NBAS: variants seen among roughly 807,000 people sequenced by gnomAD.
NBAS encodes NBAS subunit of NRZ tethering complex, also known as NAG/BC035112 fusion.
A neutral mutation model predicts 302.5 loss-of-function variants in NBAS; 219 were observed. The ratio of observed to expected loss-of-function variants is 0.72; its 90% CI spans 0.65 to 0.81. The LOEUF (loss-of-function observed/expected upper bound fraction) is 0.81. Among genes scored for constraint, NBAS ranks in the 30% least tolerant of loss-of-function variants. The pLI is 0.00. For synonymous variants in NBAS, 1,118 were observed against 1,021.6 expected, an observed-to-expected ratio of 1.09 and a Z score of -1.80; for missense variants, 2,932 against 2,841.6, an observed-to-expected ratio of 1.03 and a Z score of -0.72.
At chr2:14,797,956 T>C in the NBAS span, among the ~76,000 whole-genome samples, 9 of 152,216 alleles carry the variant, frequency 5.9e-5, no homozygotes, top group Non-Finnish European at 1.3e-4. Flanking sequence ...CTCATATCCT[T>C]CAACCTTCCT....
chr2:15,517,282 G>C (rs1170338957), intron 9 of NBAS, among the ~76,000 whole-genome samples: 1 of 151,990 alleles, frequency 6.6e-6, no homozygotes, highest in African/African-American at 2.4e-5. Context: ...GTAGTTTTTT[G>C]ATCCCCACAG....
intron 21 of NBAS, among the ~76,000 whole-genome samples, chr2:15,444,743 G>A (rs371383530): frequency 0.01 from 1,519 of 151,226 alleles, 30 homozygotes; most frequent in African/African-American, 0.034. Flanking sequence ...GAAAATTTTC[G>A]CAACCTACTC....
chr2:14,875,575 C>T, the NBAS span, among the ~76,000 whole-genome samples: 1 of 152,058 alleles, frequency 6.6e-6, no homozygotes, highest in Admixed American at 6.5e-5. Flanking sequence ...GAGATCACAC[C>T]ACTGCACTCC....
At chr2:14,969,149 A>G in the NBAS span, among the ~76,000 whole-genome samples, 4 of 152,198 alleles carry the variant, frequency 2.6e-5, no homozygotes, top group Non-Finnish European at 5.9e-5. Context: ...AGAATAGTCA[A>G]TTCTACAGAG....
chr2:15,484,428 C>T (rs925504218), intron 12 of NBAS, among the ~76,000 whole-genome samples: 2 of 152,038 alleles, frequency 1.3e-5, no homozygotes, highest in East Asian at 3.9e-4. Flanking sequence ...AGCACCATTC[C>T]CACCCATTTA....
chr2:15,114,313 G>T, the NBAS span, among the ~76,000 whole-genome samples: 1 of 152,098 alleles, frequency 6.6e-6, no homozygotes, highest in African/African-American at 2.4e-5. Context: ...TCTCTCCCGG[G>T]CTCGTAGATG....
At chr2:15,218,741 T>C (rs1211750096) in intron 48 of NBAS, 32 bp downstream of exon 48, 5 of 1,613,938 alleles carry the variant, frequency 3.1e-6, no homozygotes, top group South Asian at 2.2e-5. Flanking sequence ...TTATTGTTAG[T>C]AAGAAAAATA....
At chr2:15,219,077 GT>G in intron 47 of NBAS, 109 bp from the exon 48 acceptor site, 1 of 1,370,070 alleles carries the variant, frequency 7.3e-7, no homozygotes, top group Non-Finnish European at 1.0e-6. Flanking sequence ...GGATGACTTC[GT>G]TTTTTTCCTC....
At chr2:14,864,586 G>C in the NBAS span, among the ~76,000 whole-genome samples, 1 of 152,088 alleles carries the variant, frequency 6.6e-6, no homozygotes, top group Non-Finnish European at 1.5e-5. Flanking sequence ...TTTGTGGTGA[G>C]AATTAAAAGG....
the NBAS span, among the ~76,000 whole-genome samples, chr2:15,098,519 T>TATATGTTATATATTATGTATTGTATATA: frequency 2.1e-5 from 1 of 48,710 alleles, no homozygotes; most frequent in African/African-American, 1.2e-4. Flanking sequence ...ATATATTGTA[T>TATATGTTATATATTATGTATTGTATATA]ATATGTTATA....
the NBAS span, among the ~76,000 whole-genome samples, chr2:15,140,302 G>A: frequency 6.6e-5 from 10 of 152,218 alleles, no homozygotes; most frequent in Non-Finnish European, 1.5e-4. Flanking sequence ...ACAACATGGA[G>A]CAGAAAGAGT....
intron 40 of NBAS, among the ~76,000 whole-genome samples, chr2:15,295,327 CA>C (rs953281129): frequency 7.2e-5 from 11 of 152,170 alleles, no homozygotes; most frequent in Admixed American, 3.3e-4. Context: ...TCTCCACATA[CA>C]ATCTTCGCAT....
intron 38 of NBAS, among the ~76,000 whole-genome samples, chr2:15,310,662 C>T (rs1428542074): frequency 1.3e-5 from 2 of 152,152 alleles, no homozygotes. Context: ...GGGGTTCATG[C>T]CCGTAATCTC....
the NBAS span, among the ~76,000 whole-genome samples, chr2:14,992,664 C>T: frequency 5.9e-5 from 9 of 152,176 alleles, no homozygotes; most frequent in Admixed American, 5.9e-4. Flanking sequence ...TTTGGGGACA[C>T]TCTTAGGAGG....
the NBAS span, among the ~76,000 whole-genome samples, chr2:14,906,300 A>G: frequency 1.3e-5 from 2 of 152,186 alleles, no homozygotes; most frequent in African/African-American, 4.8e-5. Flanking sequence ...GGTGCTTATT[A>G]TCTCTATTTT....
At chr2:15,395,353 A>G (rs6708288) in intron 27 of NBAS, among the ~76,000 whole-genome samples, 95,107 of 151,908 alleles carry the variant, frequency 0.63, 30,525 homozygotes, top group Middle Eastern at 0.69. Flanking sequence ...AACCCAACAA[A>G]CCTTAGTCAA....
intron 21 of NBAS, among the ~76,000 whole-genome samples, chr2:15,437,926 T>A (rs548121644): frequency 1.3e-5 from 2 of 152,288 alleles, no homozygotes; most frequent in African/African-American, 4.8e-5. Context: ...AAGAATGAAG[T>A]GGGATATATG....
At chr2:14,909,006 G>A in the NBAS span, among the ~76,000 whole-genome samples, 2 of 152,018 alleles carry the variant, frequency 1.3e-5, no homozygotes, top group Admixed American at 1.3e-4. Context: ...CTTTTTATAC[G>A]TTCCCCCAAA....
At chr2:15,134,621 C>G in the NBAS span, among the ~76,000 whole-genome samples, 1 of 152,168 alleles carries the variant, frequency 6.6e-6, no homozygotes, top group Non-Finnish European at 1.5e-5. Flanking sequence ...GTACAGCAGA[C>G]AGTCAGAAAT....
Sources: allele counts gnomAD v4.1 joint callset (sites outside exome capture counted in the v4.1 genomes callset), GRCh38; gene constraint gnomAD v4.1.1; transcripts MANE v1.5; gene names NCBI Gene and HGNC (gene_info 2026-07-23, HGNC 2026-07-21).